The following SLC5A9 variants were observed in gnomAD, a reference collection of about 807,000 sequenced individuals.
SLC5A9 encodes sodium/glucose cotransporter 4.
Under a neutral mutation model 70.9 loss-of-function variants are expected in SLC5A9, and 59 were observed. The observed-to-expected ratio is 0.83, with a 90% CI of 0.68 to 1.03. The LOEUF (loss-of-function observed/expected upper bound fraction) is 1.03. SLC5A9 is among the 50% of genes least tolerant of loss of function. The pLI, the probability that SLC5A9 is intolerant of heterozygous loss-of-function variation, is 0.00. For missense variants in SLC5A9, 832 were observed against 881.1 expected (o/e 0.94, Z 0.71); for synonymous variants, 340 against 346.5 (o/e 0.98, Z 0.21).
At chr1:48,236,784 CTG>C (rs1211741166) in intron 10 of SLC5A9, among the ~76,000 whole-genome samples, 1 of 152,172 alleles carries the variant, frequency 6.6e-6, no homozygotes, top group African/African-American at 2.4e-5. Context: ...GCTTGCTCAT[CTG>C]TGCACCCCCA....
rs1176309946 is a variant in SLC5A9, at chr1:48,239,379, G to A, written c.1519G>A (p.Glu507Lys). 3 of 1,614,158 alleles carry A rather than the reference G, an allele frequency of 1.9e-6. No individual in the cohort carries two copies. Among genetic ancestry groups the A allele is most frequent in the Admixed American group, 3.3e-5 (2 of 60,030 alleles). The change falls in exon 12 of 14, where the codon GAG becomes AAG. Residue 507 changes from glutamate (E) to lysine (K), a missense_variant. Physicochemically the swap from Glu to Lys is moderately conservative, Grantham distance 56. Transcript: ENST00000438567. This position sits in a 1 kb window ranked among gnomAD's most constrained non-coding sequence, Gnocchi z 4.2. ...AGTGGGGCTTCTGCGTATGATCCTG[G>A]AGTTCTCATACCCAGCGCCAGCCTG... ...LGVGLLRMIL[E>K]FSYPAPACGE...
rs1557481672 is a variant in SLC5A9, at chr1:48,239,620, C to T, written c.1677+83C>T. ...TAGAATTCCACTGCTGACTTTTACT[C>T]TGTTGGGTTATGGTCTCCCCTGTGG... is the stretch of plus-strand genomic sequence containing the variant. On this transcript the variant is annotated intron_variant, in intron 12 of 13. Coordinates refer to ENST00000438567, the MANE Select transcript of SLC5A9 (RefSeq NM_001011547.3). The surrounding 1 kb of genome is among the most constrained non-coding windows in gnomAD (Gnocchi z 4.2). 2 of 1,354,824 alleles carry T rather than the reference C, an allele frequency of 1.5e-6. No homozygotes were observed. The highest frequency in any genetic ancestry group is 2.9e-5 in the African/African-American group (2 of 70,034). 83.9% of individuals were successfully genotyped at this position (1,354,824 alleles called of 1,614,324 possible). A position where few individuals can be genotyped will look rare whatever the true frequency, so the allele number is the denominator to read the frequency against.
chr1:48,240,619 C>T (rs1288586090), intron 12 of SLC5A9: 1 of 152,232 alleles, frequency 6.6e-6, no homozygotes, highest in Admixed American at 6.5e-5. Flanking sequence ...TGGCTCACAC[C>T]AGAAATGGGC....
chr1:48,246,545 C>T (rs1425301758), intron 13 of SLC5A9, among the ~76,000 whole-genome samples: 1 of 151,956 alleles, frequency 6.6e-6, no homozygotes, highest in Non-Finnish European at 1.5e-5. Context: ...AAAATATTTA[C>T]CTTATTACTT....
rs765559359 is a variant in SLC5A9 at position 48,239,584 on chromosome 1, C to A, written c.1677+47C>A. On this transcript the variant is annotated intron_variant, in intron 12 of 13. Transcript: ENST00000438567. The surrounding 1 kb of genome is among the most constrained non-coding windows in gnomAD (Gnocchi z 4.2). ...AGGCCCTCCAGAAATGCTCTCCCTT[C>A]CCCCATAGCCTAGAATTCCACTGCT... 2 of 1,543,294 alleles carry A rather than the reference C, an allele frequency of 1.3e-6. No individual in the cohort carries two copies. Among genetic ancestry groups the A allele is most frequent in the East Asian group, 4.5e-5 (2 of 44,500 alleles).
Position 48,247,665 on chromosome 1 carries a change from C to A in SLC5A9, c.*122C>A. The A allele has an allele frequency of 1.1e-6, 1 of 947,774 alleles. No homozygotes were observed. Among genetic ancestry groups the A allele is most frequent in the Non-Finnish European group, 1.6e-6 (1 of 606,648 alleles). The allele number at this position is 947,774 out of a possible 1,614,324, so 58.7% of individuals were successfully genotyped here. A position where few individuals can be genotyped will look rare whatever the true frequency, so the allele number is the denominator to read the frequency against. On this transcript the variant is annotated 3_prime_UTR_variant, in exon 14 of 14. Coordinates refer to ENST00000438567, the MANE Select transcript of SLC5A9 (RefSeq NM_001011547.3). ...AGATCACAGAAGTCAAGACTGCAAG[C>A]TCCCCTGAAGAGAATCCAACTCAAC...
intron 2 of SLC5A9, among the ~76,000 whole-genome samples, chr1:48,225,606 G>A (rs1035751300): frequency 2.0e-4 from 30 of 151,748 alleles, no homozygotes; most frequent in African/African-American, 5.6e-4. Flanking sequence ...ACTCACACAC[G>A]GCATGTGTGC....
At chr1:48,245,952 C>A (rs1644455750) in intron 13 of SLC5A9, among the ~76,000 whole-genome samples, 1 of 151,342 alleles carries the variant, frequency 6.6e-6, no homozygotes, top group Admixed American at 6.6e-5. Flanking sequence ...CAGAGTGAGA[C>A]CCTGTCTCAA....
At chr1:48,238,053 C>T (rs900164141) in intron 11 of SLC5A9, among the ~76,000 whole-genome samples, 8 of 152,142 alleles carry the variant, frequency 5.3e-5, no homozygotes, top group East Asian at 1.9e-4. Context: ...CAGTAGTTTA[C>T]GAGATTCACA....
chr1:48,238,382 A>G (rs1449596996), intron 11 of SLC5A9: 1 of 152,592 alleles, frequency 6.6e-6, no homozygotes. Context: ...TGATGATGAC[A>G]AAGTGTGACC....
chr1:48,247,554 C>T lies in SLC5A9; in HGVS notation c.*11C>T. On this transcript the variant is annotated 3_prime_UTR_variant, in exon 14 of 14. Transcript: ENST00000438567. ...GGCTATTTTGCGTGATTCCACAGAC[C>T]TGGCTTCAGTGTAGACAGATTAAAC... is the stretch of plus-strand genomic sequence containing the variant. The T allele has an allele frequency of 6.2e-7, 1 of 1,613,842 alleles. No homozygotes were observed. The highest frequency in any genetic ancestry group is 1.7e-4 in the Middle Eastern group (1 of 6,060).
Position 48,239,539 on chromosome 1 carries a change from C to T in SLC5A9, c.1677+2C>T. On this transcript the variant is annotated splice_donor_variant, in intron 12 of 13. Coordinates refer to ENST00000438567, the MANE Select transcript of SLC5A9 (RefSeq NM_001011547.3). LOFTEE classifies it low-confidence loss of function (GC_TO_GT_DONOR). This position sits in a 1 kb window ranked among gnomAD's most constrained non-coding sequence, Gnocchi z 4.2. ...ACAACTCCCATCCCTGAGGAACAGG[C>T]AAGTGTTGTGCTCATACTGAGGCCC... 3.1e-6 allele frequency: 5 copies of T among 1,613,764 alleles called. No homozygotes were observed. Among genetic ancestry groups the T allele is most frequent in the Non-Finnish European group, 4.2e-6 (5 of 1,179,636 alleles).
chr1:48,229,066 C>T (rs770281094), intron 3 of SLC5A9, 112 bp downstream of exon 3: 6 of 1,613,932 alleles, frequency 3.7e-6, no homozygotes, highest in South Asian at 2.2e-5. Context: ...CATGGTGAAT[C>T]GAGAATCCAT....
In SLC5A9 at chr1:48,229,351, AG is replaced by A; in HGVS notation, c.398del (p.Gly133ValfsTer9). 6.2e-7 allele frequency: 1 copy of A among 1,614,092 alleles called. No individual in the cohort carries two copies. The highest frequency in any genetic ancestry group is 1.1e-5 in the South Asian group (1 of 91,086). On this transcript the variant is annotated frameshift_variant, in exon 4 of 14. Coordinates refer to ENST00000438567, the MANE Select transcript of SLC5A9 (RefSeq NM_001011547.3). LOFTEE classifies it high-confidence loss of function. ...TCTTCGTCCCTGTGTACATCGCAGCAGGTGTGGTCACAATGCCGCAGTATCT... is the reference window on the plus strand; with the variant it reads ...TCTTCGTCCCTGTGTACATCGCAGCAGTGTGGTCACAATGCCGCAGTATCT... ...WVFVPVYIAA[G>X]VVTMPQYLKK...
At position 48,239,566 on chromosome 1, in the gene SLC5A9, C is replaced by T. The variant is rs1644369217; in HGVS notation, c.1677+29C>T. ...AGTGTTGTGCTCATACTGAGGCCCTCCAGAAATGCTCTCCCTTCCCCCATA... is the reference window on the plus strand; with the variant it reads ...AGTGTTGTGCTCATACTGAGGCCCTTCAGAAATGCTCTCCCTTCCCCCATA... On this transcript the variant is annotated intron_variant, in intron 12 of 13. Transcript: ENST00000438567. The surrounding 1 kb of genome is among the most constrained non-coding windows in gnomAD (Gnocchi z 4.2). 2 of 1,593,640 alleles carry T rather than the reference C, an allele frequency of 1.3e-6. No homozygotes were observed. Among genetic ancestry groups the T allele is most frequent in the Non-Finnish European group, 1.7e-6 (2 of 1,161,428 alleles).
chr1:48,237,450 G>A (rs890084104), intron 10 of SLC5A9, among the ~76,000 whole-genome samples: 8 of 152,056 alleles, frequency 5.3e-5, no homozygotes, highest in Admixed American at 4.6e-4. Flanking sequence ...TAAGTGCCAC[G>A]GAGGCATTAG....
At chr1:48,227,949 G>A (rs1644188668) in intron 2 of SLC5A9, 1 of 152,150 alleles carries the variant, frequency 6.6e-6, no homozygotes, top group South Asian at 2.1e-4. Flanking sequence ...TCTGCCCCTA[G>A]CTGCCCCCAG....
intron 2 of SLC5A9, among the ~76,000 whole-genome samples, chr1:48,227,322 G>A (rs1364769172): frequency 1.3e-5 from 2 of 148,996 alleles, no homozygotes; most frequent in Non-Finnish European, 3.0e-5. Context: ...CTGTGTGGGC[G>A]TGAGTGCATG....
At chr1:48,229,790 C>T (rs1249479499) in intron 4 of SLC5A9, among the ~76,000 whole-genome samples, 1 of 152,154 alleles carries the variant, frequency 6.6e-6, no homozygotes, top group African/African-American at 2.4e-5. Context: ...CTTTAGTCCT[C>T]CTCTACTGAC....
Sources: allele counts gnomAD v4.1 joint callset (sites outside exome capture counted in the v4.1 genomes callset), GRCh38; gene constraint gnomAD v4.1.1; non-coding constraint Gnocchi (gnomAD v3.1); transcripts MANE v1.5; gene names NCBI Gene and HGNC (gene_info 2026-07-23, HGNC 2026-07-21).